ASAP1: variants seen among roughly 807,000 people sequenced by gnomAD.
ASAP1 encodes arf-GAP with SH3 domain, ANK repeat and PH domain-containing protein 1.
A neutral mutation model predicts 145.2 loss-of-function variants in ASAP1; 43 were observed. The ratio of observed to expected loss-of-function variants is 0.30; its 90% CI spans 0.23 to 0.38. The LOEUF is 0.38. ASAP1 is among the 10% of genes least tolerant of loss of function. The pLI is 1.00. For synonymous variants in ASAP1, 546 were observed against 515.5 expected, an observed-to-expected ratio of 1.06 and a Z score of -0.80; for missense variants, 1,018 against 1,355.3, an observed-to-expected ratio of 0.75 and a Z score of 3.91.
At chr8:130,200,870 A>G (rs1380576916) in intron 5 of ASAP1, among the ~76,000 whole-genome samples, 6 of 152,258 alleles carry the variant, frequency 3.9e-5, no homozygotes, top group Admixed American at 1.3e-4. Context: ...GATGTCATGT[A>G]TAAAAGTAAA....
chr8:130,077,181 T>G (rs935539270), intron 26 of ASAP1, among the ~76,000 whole-genome samples: 1 of 152,182 alleles, frequency 6.6e-6, no homozygotes, highest in African/African-American at 2.4e-5. Flanking sequence ...AGCAAAGAGC[T>G]TGGTTCTCGG....
intron 3 of ASAP1, among the ~76,000 whole-genome samples, chr8:130,297,087 G>A (rs1025774218): frequency 2.0e-5 from 3 of 152,170 alleles, no homozygotes; most frequent in Non-Finnish European, 2.9e-5. Context: ...TCTATGGTTT[G>A]GGAAACTGTA....
chr8:130,067,354 C>G (rs1183872264), intron 27 of ASAP1, among the ~76,000 whole-genome samples: 1 of 152,136 alleles, frequency 6.6e-6, no homozygotes, highest in Admixed American at 6.5e-5. Context: ...CAGGGTGGGA[C>G]CATTCCCTAA....
Position 130,358,385 on chromosome 8 carries a change from A to C in ASAP1, c.60-242T>G, listed in dbSNP as rs1826481896. 6.8e-6 allele frequency among the ~76,000 whole-genome samples: 1 copy of C among 146,486 alleles called. No individual in the cohort carries two copies. The highest frequency in any genetic ancestry group is 1.5e-5 in the Non-Finnish European group (1 of 65,990). On this transcript the variant is annotated intron_variant, in intron 2 of 29. Transcript: ENST00000518721. The surrounding 1 kb of genome is among the most constrained non-coding windows in gnomAD (Gnocchi z 4.1). ...CCCTTCAAACTCCAAGCCGCGCGCGAGGCAGGGGGCTCTCCGGGACCCGCC... is the reference window on the plus strand; with the variant it reads ...CCCTTCAAACTCCAAGCCGCGCGCGCGGCAGGGGGCTCTCCGGGACCCGCC...
intron 24 of ASAP1, among the ~76,000 whole-genome samples, chr8:130,104,875 C>A (rs2097534458): frequency 6.6e-6 from 1 of 151,920 alleles, no homozygotes; most frequent in African/African-American, 2.4e-5. Flanking sequence ...AAAAAAAAGA[C>A]CTAGAAGATG....
chr8:130,064,168 G>C (rs975720343), intron 27 of ASAP1, among the ~76,000 whole-genome samples: 2 of 152,206 alleles, frequency 1.3e-5, no homozygotes, highest in Non-Finnish European at 2.9e-5. Flanking sequence ...GTTCTGTTGA[G>C]AACAGACTGC....
intron 3 of ASAP1, among the ~76,000 whole-genome samples, chr8:130,337,468 A>T (rs1443200227): frequency 1.3e-5 from 2 of 152,208 alleles, no homozygotes; most frequent in African/African-American, 2.4e-5. Context: ...CCTGTTATAA[A>T]CTGTAAATTC....
intron 1 of ASAP1, among the ~76,000 whole-genome samples, chr8:130,417,570 C>T (rs1829538062): frequency 6.6e-6 from 1 of 151,732 alleles, no homozygotes; most frequent in Non-Finnish European, 1.5e-5. Flanking sequence ...GAACCCATAC[C>T]TAGACATGCT....
At chr8:130,178,575 T>C (rs910989593) in intron 9 of ASAP1, among the ~76,000 whole-genome samples, 2 of 152,244 alleles carry the variant, frequency 1.3e-5, no homozygotes, top group African/African-American at 4.8e-5. Context: ...TTAAATTCAC[T>C]TATTTTAGAT....
chr8:130,240,232 CTACT>C (rs2136703450), intron 3 of ASAP1, among the ~76,000 whole-genome samples: 1 of 152,194 alleles, frequency 6.6e-6, no homozygotes, highest in Non-Finnish European at 1.5e-5. Flanking sequence ...TAAAGTTCAT[CTACT>C]TACTTTTAAA....
At chr8:130,383,322 T>A (rs1827865997) in intron 2 of ASAP1, among the ~76,000 whole-genome samples, 1 of 152,162 alleles carries the variant, frequency 6.6e-6, no homozygotes, top group African/African-American at 2.4e-5. Flanking sequence ...CATGTCCACA[T>A]CCCAGACTTT....
chr8:130,372,740 GC>G (rs1827269177), intron 2 of ASAP1, among the ~76,000 whole-genome samples: 1 of 152,128 alleles, frequency 6.6e-6, no homozygotes, highest in African/African-American at 2.4e-5. Flanking sequence ...CCTTATGAGG[GC>G]AAAAATTCTG....
At chr8:130,250,129 A>T (rs1214009510) in intron 3 of ASAP1, among the ~76,000 whole-genome samples, 1 of 152,192 alleles carries the variant, frequency 6.6e-6, no homozygotes, top group Non-Finnish European at 1.5e-5. Context: ...TGTCAGGCTC[A>T]GATTCTAATT....
chr8:130,178,761 C>A (rs1390916828), intron 9 of ASAP1, among the ~76,000 whole-genome samples: 2 of 151,910 alleles, frequency 1.3e-5, no homozygotes, highest in Non-Finnish European at 2.9e-5. Context: ...TGGTGGCGTG[C>A]GCCTGTCATC....
chr8:130,267,828 G>T (rs1019097980), intron 3 of ASAP1, among the ~76,000 whole-genome samples: 2 of 152,188 alleles, frequency 1.3e-5, no homozygotes, highest in Non-Finnish European at 2.9e-5. Flanking sequence ...GATGTTGGGT[G>T]AGGCCCTCTC....
At chr8:130,255,718 T>G (rs1586693916) in intron 3 of ASAP1, among the ~76,000 whole-genome samples, 1 of 152,190 alleles carries the variant, frequency 6.6e-6, no homozygotes, top group Non-Finnish European at 1.5e-5. Flanking sequence ...ACGAATAGTA[T>G]TTTTTCAGAT....
chr8:130,167,175 G>A (rs1213755346), intron 11 of ASAP1, among the ~76,000 whole-genome samples: 1 of 152,080 alleles, frequency 6.6e-6, no homozygotes, highest in Non-Finnish European at 1.5e-5. Context: ...ATGGTGGCAT[G>A]TGCCTGTAGT....
At chr8:130,313,275 G>A (rs1244795984) in intron 3 of ASAP1, among the ~76,000 whole-genome samples, 1 of 150,790 alleles carries the variant, frequency 6.6e-6, no homozygotes, top group Non-Finnish European at 1.5e-5. Flanking sequence ...CATATCCTCT[G>A]CCTTCAACAA....
At chr8:130,075,137 A>G (rs1304439504) in intron 27 of ASAP1, among the ~76,000 whole-genome samples, 1 of 152,190 alleles carries the variant, frequency 6.6e-6, no homozygotes, top group Non-Finnish European at 1.5e-5. Context: ...ATCTGGGCAC[A>G]CTGTAAATGG....
Sources: allele counts gnomAD v4.1 joint callset (sites outside exome capture counted in the v4.1 genomes callset), GRCh38; gene constraint gnomAD v4.1.1; non-coding constraint Gnocchi (gnomAD v3.1); transcripts MANE v1.5; gene names NCBI Gene and HGNC (gene_info 2026-07-23, HGNC 2026-07-21).